Variants in RARS2 observed in about 807,000 individuals in gnomAD.
RARS2 encodes arginyl-tRNA synthetase 2, mitochondrial.
In RARS2, 67 loss-of-function variants were observed where a neutral mutation model predicts 88.5. The observed-to-expected ratio is 0.76, with a 90% CI of 0.62 to 0.93. The LOEUF is 0.93. Ranked by LOEUF, RARS2 falls within the 40% of genes least tolerant of loss-of-function variation. The pLI is 0.00. For synonymous variants in RARS2, 239 were observed against 230.3 expected, an observed-to-expected ratio of 1.04 and a Z score of -0.34; for missense variants, 664 against 684.2, an observed-to-expected ratio of 0.97 and a Z score of 0.33.
At chr6:87,581,708 T>G (rs950349720) in intron 1 of RARS2, among the ~76,000 whole-genome samples, 3 of 152,144 alleles carry the variant, frequency 2.0e-5, no homozygotes, top group Non-Finnish European at 4.4e-5. Flanking sequence ...ACCTAGGTAT[T>G]AAGCACCACA....
chr6:87,588,544 A>T (rs1012745913), intron 1 of RARS2, among the ~76,000 whole-genome samples: 10 of 151,868 alleles, frequency 6.6e-5, no homozygotes, highest in African/African-American at 1.9e-4. Flanking sequence ...GCTACTTTTT[A>T]AAAAAAATTT....
At chr6:87,572,016 G>C (rs1355917431) in intron 1 of RARS2, among the ~76,000 whole-genome samples, 2 of 151,672 alleles carry the variant, frequency 1.3e-5, no homozygotes, top group African/African-American at 4.8e-5. Flanking sequence ...ATAGGATAAA[G>C]GCTCAAACAG....
At chr6:87,532,694 C>A (rs942733919) in intron 8 of RARS2, among the ~76,000 whole-genome samples, 5 of 152,124 alleles carry the variant, frequency 3.3e-5, no homozygotes, top group Admixed American at 3.3e-4. Context: ...TAAATCATAG[C>A]CACAAGTAAG....
chr6:87,543,646 GAA>G (rs879423380), intron 7 of RARS2, among the ~76,000 whole-genome samples: 1 of 132,830 alleles, frequency 7.5e-6, no homozygotes, highest in Admixed American at 7.5e-5. Context: ...ATCTCAGAAA[GAA>G]AAAAAAAAAA....
chr6:87,539,169 A>C (rs1417221167), intron 8 of RARS2, among the ~76,000 whole-genome samples: 1 of 152,230 alleles, frequency 6.6e-6, no homozygotes, highest in Non-Finnish European at 1.5e-5. Context: ...GATAAAAAGA[A>C]TAACTCTCAC....
At chr6:87,522,806 C>G (rs937522460) in intron 11 of RARS2, among the ~76,000 whole-genome samples, 1 of 152,154 alleles carries the variant, frequency 6.6e-6, no homozygotes. Context: ...AGATGGGTCT[C>G]ATTATATTGT....
At chr6:87,531,459 T>G (rs1178387332) in intron 8 of RARS2, among the ~76,000 whole-genome samples, 1 of 152,254 alleles carries the variant, frequency 6.6e-6, no homozygotes, top group Admixed American at 6.5e-5. Flanking sequence ...TGATTTAGCA[T>G]TTGTTTTAAT....
intron 7 of RARS2, among the ~76,000 whole-genome samples, chr6:87,545,176 T>C (rs9450735): frequency 0.32 from 49,057 of 152,066 alleles, 8,006 homozygotes; most frequent in Admixed American, 0.41. Context: ...CTTGACCTCC[T>C]GGGCTAACAC....
chr6:87,530,350 C>T (rs577019108), intron 9 of RARS2, among the ~76,000 whole-genome samples: 1 of 152,282 alleles, frequency 6.6e-6, no homozygotes, highest in South Asian at 2.1e-4. Flanking sequence ...ATAGTTGTTT[C>T]TTGCTTTATC....
chr6:87,543,657 A>C (rs1198179320), intron 7 of RARS2, among the ~76,000 whole-genome samples: 2 of 152,120 alleles, frequency 1.3e-5, no homozygotes. Flanking sequence ...AAAAAAAAAA[A>C]ACAATTTATT....
At chr6:87,571,626 A>T (rs1330699675) in intron 1 of RARS2, among the ~76,000 whole-genome samples, 1 of 152,246 alleles carries the variant, frequency 6.6e-6, no homozygotes, top group Non-Finnish European at 1.5e-5. Flanking sequence ...CAGAAAAAGT[A>T]AGAATGTAAG....
rs10628110 is a variant in RARS2, at chr6:87,542,661, GA to G, written c.536-668del. ...GTTAATTTGAACCTAAAAAAAAAAAGAAAAAAAAAAACCCAAACACCAAAAA... is the reference window on the plus strand; with the variant it reads ...GTTAATTTGAACCTAAAAAAAAAAAGAAAAAAAAAACCCAAACACCAAAAA... On this transcript the variant is annotated intron_variant, in intron 7 of 19. Coordinates refer to ENST00000369536, the MANE Select transcript of RARS2 (RefSeq NM_020320.5). Among the ~76,000 whole-genome samples the G allele has an allele frequency of 2.1e-4, 28 of 134,540 alleles. 1 individual carries two copies. The highest frequency in any genetic ancestry group is 5.7e-4 in the African/African-American group (21 of 36,814). The allele number at this position is 134,540 out of a possible 152,430, so 88.3% of individuals were successfully genotyped here. A position where few individuals can be genotyped will look rare whatever the true frequency, so the allele number is the denominator to read the frequency against.
In RARS2 at chr6:87,576,095, C is replaced by CGGCCAACACAAATTTCAAGAT. The variant is rs1272053470; in HGVS notation, c.37-6506_37-6505insATCTTGAAATTTGTGTTGGCC. On this transcript the variant is annotated intron_variant, in intron 1 of 19. Transcript: ENST00000369536. ...GATTACAGGCGTGAGCCAATGCGCC[C>CGGCCAACACAAATTTCAAGAT]AGCTGGATAAGTCTTCTTTAAAAAT... is the stretch of plus-strand genomic sequence containing the variant. 5.5e-3 allele frequency among the ~76,000 whole-genome samples: 688 copies of CGGCCAACACAAATTTCAAGAT among 124,462 alleles called. 32 individuals carry two copies. The highest frequency in any genetic ancestry group is 6.8e-3 in the South Asian group (24 of 3,526). The allele number at this position is 124,462 out of a possible 152,430, so 81.7% of individuals were successfully genotyped here.
chr6:87,552,318 T>C (rs1277792362), intron 5 of RARS2, among the ~76,000 whole-genome samples: 1 of 152,156 alleles, frequency 6.6e-6, no homozygotes, highest in African/African-American at 2.4e-5. Context: ...AATCTTCCTG[T>C]CCCTACCTAT....
At chr6:87,576,431 C>G (rs1771579982) in intron 1 of RARS2, among the ~76,000 whole-genome samples, 1 of 111,164 alleles carries the variant, frequency 9.0e-6, no homozygotes. Flanking sequence ...CGCCCGCTAC[C>G]ACGCCCGGCT....
At chr6:87,519,554 T>C (rs772787957) in intron 14 of RARS2, 29 bp downstream of exon 14, 11 of 1,597,432 alleles carry the variant, frequency 6.9e-6, no homozygotes, top group Non-Finnish European at 8.6e-6. Context: ...ACGTAAGTTA[T>C]GACTTTAATA....
intron 8 of RARS2, among the ~76,000 whole-genome samples, chr6:87,533,569 T>C (rs1778241226): frequency 6.6e-6 from 1 of 152,172 alleles, no homozygotes; most frequent in South Asian, 2.1e-4. Context: ...TAGTAAAGTT[T>C]TTGAGGATGG....
intron 5 of RARS2, among the ~76,000 whole-genome samples, chr6:87,551,515 C>T (rs1769175451): frequency 6.7e-6 from 1 of 148,460 alleles, no homozygotes; most frequent in African/African-American, 2.5e-5. Flanking sequence ...AGTCCAGCTA[C>T]TCTACTGGGG....
chr6:87,554,109 A>G (rs1465059441), intron 5 of RARS2, among the ~76,000 whole-genome samples: 1 of 152,246 alleles, frequency 6.6e-6, no homozygotes, highest in East Asian at 1.9e-4. Context: ...TTCCACAGAC[A>G]TAAATACTTA....
Sources: allele counts gnomAD v4.1 joint callset (sites outside exome capture counted in the v4.1 genomes callset), GRCh38; gene constraint gnomAD v4.1.1; transcripts MANE v1.5; gene names NCBI Gene and HGNC (gene_info 2026-07-23, HGNC 2026-07-21).